The following KCNAB1 variants were observed in gnomAD, a reference collection of about 807,000 sequenced individuals.
KCNAB1 encodes the protein potassium voltage-gated channel subfamily A regulatory beta subunit 1, also known as voltage-gated potassium channel subunit beta-1.
In KCNAB1, 35 loss-of-function variants were observed where a neutral mutation model predicts 64.6. The ratio of observed to expected loss-of-function variants is 0.54; its 90% CI spans 0.41 to 0.72. The LOEUF is 0.72. KCNAB1 is among the 30% of genes least tolerant of loss of function. KCNAB1 has a pLI of 0.00. For missense variants in KCNAB1, 401 were observed against 512.9 expected (o/e 0.78, Z 2.11); for synonymous variants, 177 against 183.8 (o/e 0.96, Z 0.30).
At chr3:156,419,497 T>C (rs1203845917) in intron 1 of KCNAB1, among the ~76,000 whole-genome samples, 5 of 135,136 alleles carry the variant, frequency 3.7e-5, no homozygotes, top group Admixed American at 1.6e-4. Flanking sequence ...CGAGACTCCG[T>C]CTCAAAAAAA....
chr3:156,292,197 C>T, intron 1 of KCNAB1: 1 of 1,549,526 alleles, frequency 6.5e-7, no homozygotes, highest in Non-Finnish European at 8.9e-7. Context: ...GACAGTCCAT[C>T]GGTTTTGAAA....
intron 1 of KCNAB1, among the ~76,000 whole-genome samples, chr3:156,386,081 A>C (rs1712565926): frequency 6.6e-6 from 1 of 152,218 alleles, no homozygotes; most frequent in Non-Finnish European, 1.5e-5. Context: ...CCTCAGAAGA[A>C]ATAATTTGAC....
intron 1 of KCNAB1, among the ~76,000 whole-genome samples, chr3:156,323,746 C>T (rs1186129620): frequency 1.3e-5 from 2 of 152,152 alleles, no homozygotes; most frequent in East Asian, 3.9e-4. Flanking sequence ...ATAGTCGTGT[C>T]ATACCTTGAC....
chr3:156,139,968 C>T (rs193251909), intron 1 of KCNAB1, among the ~76,000 whole-genome samples: 78 of 152,254 alleles, frequency 5.1e-4, no homozygotes, highest in African/African-American at 1.5e-3. Flanking sequence ...ACCACTCATA[C>T]GGCATTAAAT....
chr3:156,235,341 T>G (rs1716784679), intron 1 of KCNAB1, among the ~76,000 whole-genome samples: 1 of 152,220 alleles, frequency 6.6e-6, no homozygotes, highest in Non-Finnish European at 1.5e-5. Context: ...GTGTCCTACG[T>G]CTTTCATTCT....
chr3:156,304,353 A>G (rs770963383), intron 1 of KCNAB1, among the ~76,000 whole-genome samples: 20 of 152,210 alleles, frequency 1.3e-4, no homozygotes, highest in African/African-American at 4.8e-4. Context: ...TCCTTGAGAA[A>G]AACTCTGAAG....
intron 1 of KCNAB1, among the ~76,000 whole-genome samples, chr3:156,224,304 C>G (rs1414746913): frequency 2.0e-5 from 3 of 152,248 alleles, no homozygotes; most frequent in African/African-American, 7.2e-5. Context: ...ACCCGTGCCT[C>G]TCCCACCACA....
intron 1 of KCNAB1, among the ~76,000 whole-genome samples, chr3:156,390,307 G>C (rs769006998): frequency 6.6e-6 from 1 of 152,102 alleles, no homozygotes; most frequent in Non-Finnish European, 1.5e-5. Flanking sequence ...GTTGTGTAGA[G>C]AAGAGGCTAA....
chr3:156,130,272 G>A (rs909909259), intron 1 of KCNAB1, among the ~76,000 whole-genome samples: 6 of 152,214 alleles, frequency 3.9e-5, no homozygotes, highest in African/African-American at 7.2e-5. Context: ...TGGCTTAAGA[G>A]CATGGTTACC....
intron 8 of KCNAB1, among the ~76,000 whole-genome samples, chr3:156,482,267 A>G (rs867976649): frequency 6.6e-6 from 1 of 152,106 alleles, no homozygotes; most frequent in Admixed American, 6.6e-5. Flanking sequence ...CTAGAAAAAA[A>G]AAACAACTCA....
intron 2 of KCNAB1, among the ~76,000 whole-genome samples, chr3:156,444,342 T>C (rs1402566457): frequency 6.6e-6 from 1 of 152,168 alleles, no homozygotes; most frequent in African/African-American, 2.4e-5. Flanking sequence ...TAAGAATCTG[T>C]GTGGGGGTCC....
rs1052024084 is a variant in KCNAB1, at chr3:156,537,557, G to C, written c.*810G>C. Reference sequence around the variant, plus strand: ...CAATGCAGCTGATTTATGAAAGAGAGGGCTACACTGCTATGGAAACTTAGC... The same window carrying C: ...CAATGCAGCTGATTTATGAAAGAGACGGCTACACTGCTATGGAAACTTAGC... On this transcript the variant is annotated 3_prime_UTR_variant, in exon 14 of 14. Transcript: ENST00000490337. 6.5e-6 allele frequency: 1 copy of C among 152,784 alleles called. No homozygotes were observed. The highest frequency in any genetic ancestry group is 2.4e-5 in the African/African-American group (1 of 41,444). 9.5% of individuals were successfully genotyped at this position (152,784 alleles called of 1,614,324 possible).
chr3:156,187,214 T>C (rs1713258685), intron 1 of KCNAB1, among the ~76,000 whole-genome samples: 1 of 152,162 alleles, frequency 6.6e-6, no homozygotes, highest in Non-Finnish European at 1.5e-5. Flanking sequence ...CCCTCCACCT[T>C]GGTATTTCTC....
At chr3:156,261,417 A>G (rs145042895) in intron 1 of KCNAB1, among the ~76,000 whole-genome samples, 2,434 of 152,056 alleles carry the variant, frequency 0.016, 52 homozygotes, top group Non-Finnish European at 0.019. Context: ...TTTTGTGTGC[A>G]GTTTGAGGGA....
At chr3:156,444,845 C>T (rs1173610045) in intron 2 of KCNAB1, among the ~76,000 whole-genome samples, 2 of 152,228 alleles carry the variant, frequency 1.3e-5, no homozygotes, top group Admixed American at 6.5e-5. Context: ...TACACCATCC[C>T]GTGATTGCCA....
chr3:156,130,626 A>G (rs747832533), intron 1 of KCNAB1, among the ~76,000 whole-genome samples: 89 of 152,374 alleles, frequency 5.8e-4, no homozygotes, highest in Non-Finnish European at 1.0e-3. Flanking sequence ...CAGACTGCAG[A>G]TGCACATCTC....
intron 1 of KCNAB1, among the ~76,000 whole-genome samples, chr3:156,284,459 G>A (rs1309127221): frequency 1.3e-5 from 2 of 152,228 alleles, no homozygotes; most frequent in Admixed American, 1.3e-4. Flanking sequence ...AGCCTACAGA[G>A]GCAGGCAGGC....
intron 1 of KCNAB1, among the ~76,000 whole-genome samples, chr3:156,185,137 C>T (rs1713104839): frequency 6.6e-6 from 1 of 152,174 alleles, no homozygotes. Context: ...CCACTAAGTC[C>T]CTACCTGTTG....
At chr3:156,184,470 A>T (rs1028043052) in intron 1 of KCNAB1, among the ~76,000 whole-genome samples, 1 of 152,178 alleles carries the variant, frequency 6.6e-6, no homozygotes, top group African/African-American at 2.4e-5. Context: ...AGAATCTCTT[A>T]AAGAAGGAGA....
Sources: allele counts gnomAD v4.1 joint callset (sites outside exome capture counted in the v4.1 genomes callset), GRCh38; gene constraint gnomAD v4.1.1; transcripts MANE v1.5; gene names NCBI Gene and HGNC (gene_info 2026-07-23, HGNC 2026-07-21).